The following LHPP variants were observed in gnomAD, a reference collection of about 807,000 sequenced individuals.
LHPP encodes the protein hLHPP.
LHPP carries 24 observed loss-of-function variants against 30.3 expected under a neutral mutation model. The observed-to-expected ratio is 0.79, with a 90% CI of 0.57 to 1.11. The LOEUF is 1.11. Ranked by LOEUF, LHPP falls within the 50% of genes most tolerant of loss-of-function variation. LHPP has a pLI of 0.00. For missense variants in LHPP, 356 were observed against 367.2 expected (o/e 0.97, Z 0.25); for synonymous variants, 150 against 157.1 (o/e 0.95, Z 0.34).
chr10:124,462,133 C>A, intron 1 of LHPP, 146 bp downstream of exon 1: 1 of 760,718 alleles, frequency 1.3e-6, no homozygotes, highest in Non-Finnish European at 1.7e-6. Flanking sequence ...GGTGCGCGCA[C>A]AGTGCTGACC....
chr10:124,568,318 T>G (rs1948525039), intron 6 of LHPP, among the ~76,000 whole-genome samples: 1 of 152,228 alleles, frequency 6.6e-6, no homozygotes, highest in Non-Finnish European at 1.5e-5. Flanking sequence ...AATACATCCC[T>G]GAAACCAGCT....
chr10:124,533,470 C>A (rs1182459745), intron 6 of LHPP, among the ~76,000 whole-genome samples: 2 of 152,214 alleles, frequency 1.3e-5, no homozygotes, highest in African/African-American at 4.8e-5. Flanking sequence ...CTTCCGATGA[C>A]CTTGTGGCAG....
Position 124,496,869 on chromosome 10 carries a change from G to C in LHPP, c.468-92G>C, listed in dbSNP as rs543121172. 1 of 1,169,116 alleles carries C rather than the reference G, an allele frequency of 8.6e-7. No individual in the cohort carries two copies. Among genetic ancestry groups the C allele is most frequent in the Non-Finnish European group, 1.2e-6 (1 of 807,166 alleles). 72.4% of individuals were successfully genotyped at this position (1,169,116 alleles called of 1,614,324 possible). A position where few individuals can be genotyped will look rare whatever the true frequency, so the allele number is the denominator to read the frequency against. The stretch of plus-strand genomic sequence containing the variant: ...GCCGCGGCTTGGCTCTGCAGCCAGC[G>C]GGACAGGCCCGGTGCTCAGCTCCCG... On this transcript the variant is annotated intron_variant, in intron 3 of 6. Transcript: ENST00000368842. This position sits in a 1 kb window ranked among gnomAD's most constrained non-coding sequence, Gnocchi z 4.3.
intron 6 of LHPP, among the ~76,000 whole-genome samples, chr10:124,569,578 T>C (rs894728393): frequency 2.6e-4 from 39 of 152,228 alleles, no homozygotes; most frequent in African/African-American, 9.2e-4. Context: ...CTTTGTCCCA[T>C]GCAGCTCATT....
chr10:124,610,053 C>A (rs537610699), intron 6 of LHPP, among the ~76,000 whole-genome samples: 27 of 152,204 alleles, frequency 1.8e-4, no homozygotes, highest in Non-Finnish European at 3.2e-4. Context: ...GATATCAACA[C>A]GCAGTTTTCC....
intron 5 of LHPP, among the ~76,000 whole-genome samples, chr10:124,508,975 A>G (rs896838395): frequency 2.0e-5 from 3 of 152,130 alleles, no homozygotes; most frequent in Non-Finnish European, 4.4e-5. Flanking sequence ...TTTGTCCTCC[A>G]GGTCATAAGC....
At chr10:124,557,346 G>A (rs1008140837) in intron 6 of LHPP, among the ~76,000 whole-genome samples, 4 of 152,208 alleles carry the variant, frequency 2.6e-5, no homozygotes, top group Non-Finnish European at 5.9e-5. Flanking sequence ...CCAGGGCCTG[G>A]CACTCAGTAG....
chr10:124,536,165 G>A (rs996695589), intron 6 of LHPP, among the ~76,000 whole-genome samples: 19 of 152,264 alleles, frequency 1.2e-4, no homozygotes, highest in African/African-American at 4.1e-4. Context: ...GCGTGTGCGT[G>A]CAGACTGGCC....
At chr10:124,609,168 C>T (rs980031901) in intron 6 of LHPP, among the ~76,000 whole-genome samples, 1 of 152,242 alleles carries the variant, frequency 6.6e-6, no homozygotes, top group Non-Finnish European at 1.5e-5. Context: ...TCTTTTTACA[C>T]CCCTTTAAAA....
At chr10:124,611,312 C>T (rs1407788966) in intron 6 of LHPP, among the ~76,000 whole-genome samples, 1 of 152,054 alleles carries the variant, frequency 6.6e-6, no homozygotes, top group Non-Finnish European at 1.5e-5. Context: ...CTCTGCTCTC[C>T]CTGCTGTGTG....
chr10:124,530,236 G>A (rs867386126), intron 6 of LHPP, among the ~76,000 whole-genome samples: 2 of 151,796 alleles, frequency 1.3e-5, no homozygotes, highest in African/African-American at 4.9e-5. Flanking sequence ...CCCCTCCTGC[G>A]TCCCAGCCTG....
chr10:124,462,113 T>G, intron 1 of LHPP, 126 bp downstream of exon 1: 2 of 866,032 alleles, frequency 2.3e-6, no homozygotes, highest in Non-Finnish European at 1.5e-6. Context: ...GGTCTCCCCC[T>G]TCCCACCCCG....
intron 1 of LHPP, among the ~76,000 whole-genome samples, chr10:124,467,710 T>TGTTGTTGTTG (rs1554876636): frequency 6.7e-6 from 1 of 148,930 alleles, no homozygotes; most frequent in Non-Finnish European, 1.5e-5. Context: ...GTGTGTGTTT[T>TGTTGTTGTTG]TTGTTGTTGT....
rs146564132 is a variant in LHPP at position 124,576,772 on chromosome 10, C to G, written c.717-36492C>G. ...GTTACCTGCCCTGTAGACGGGGAGACCACATTAGTGTTTGTGCAAAGCCCT... is the reference window on the plus strand; with the variant it reads ...GTTACCTGCCCTGTAGACGGGGAGAGCACATTAGTGTTTGTGCAAAGCCCT... On this transcript the variant is annotated intron_variant, in intron 6 of 6. Coordinates refer to ENST00000368842, the MANE Select transcript of LHPP (RefSeq NM_022126.4). The surrounding 1 kb of genome is among the most constrained non-coding windows in gnomAD (Gnocchi z 4.2). Among the ~76,000 whole-genome samples the G allele has an allele frequency of 3.4e-3, 513 of 152,124 alleles. 3 individuals carry two copies. Among genetic ancestry groups the G allele is most frequent in the African/African-American group, 0.012 (493 of 41,476 alleles).
intron 1 of LHPP, among the ~76,000 whole-genome samples, chr10:124,465,548 A>G (rs1462593370): frequency 6.6e-6 from 1 of 152,222 alleles, no homozygotes; most frequent in Admixed American, 6.5e-5. Flanking sequence ...GCCCAATAGC[A>G]ATATGAGCAA....
intron 5 of LHPP, among the ~76,000 whole-genome samples, chr10:124,515,936 G>T (rs1954441016): frequency 6.6e-6 from 1 of 152,216 alleles, no homozygotes; most frequent in African/African-American, 2.4e-5. Context: ...GACCCTCCAC[G>T]ATCTCCACAG....
chr10:124,515,593 A>G (rs755454498), intron 5 of LHPP, among the ~76,000 whole-genome samples: 1 of 152,212 alleles, frequency 6.6e-6, no homozygotes. Flanking sequence ...TTGTGTGCCC[A>G]TAAAGAATTT....
chr10:124,462,489 G>T (rs1952433025), intron 1 of LHPP, among the ~76,000 whole-genome samples: 1 of 152,022 alleles, frequency 6.6e-6, no homozygotes, highest in Non-Finnish European at 1.5e-5. Flanking sequence ...CAGCCACTTG[G>T]GAGGCTGAGG....
At chr10:124,574,402 G>A (rs1391765726) in intron 6 of LHPP, among the ~76,000 whole-genome samples, 1 of 152,268 alleles carries the variant, frequency 6.6e-6, no homozygotes, top group South Asian at 2.1e-4. Context: ...TAGTCCCCTC[G>A]AGTCCCCAGA....
Sources: gnomAD v4.1 joint callset for allele counts (sites outside exome capture counted in the v4.1 genomes callset) on GRCh38, gnomAD v4.1.1 for gene constraint, Gnocchi (gnomAD v3.1) non-coding constraint, MANE v1.5 for transcripts, NCBI Gene and HGNC (gene_info 2026-07-23, HGNC 2026-07-21) for gene names.